ROCK2: variants seen among roughly 807,000 people sequenced by gnomAD.
ROCK2 encodes Rho associated coiled-coil containing protein kinase 2.
A neutral mutation model predicts 195.1 loss-of-function variants in ROCK2; 61 were observed. The ratio of observed to expected loss-of-function variants is 0.31; its 90% CI spans 0.25 to 0.39. The LOEUF is 0.39. Ranked by LOEUF, ROCK2 falls within the 10% of genes least tolerant of loss-of-function variation. ROCK2 has a pLI of 1.00. For missense variants in ROCK2, 1,109 were observed against 1,637.4 expected (o/e 0.68, Z 5.57); for synonymous variants, 504 against 545.5 (o/e 0.92, Z 1.06).
chr2:11,194,917 A>C (rs778575790), intron 28 of ROCK2, 38 bp downstream of exon 28: 1 of 1,266,314 alleles, frequency 7.9e-7, no homozygotes, highest in South Asian at 1.4e-5. Flanking sequence ...TAAAACAAAA[A>C]CAAAAACAAA....
chr2:11,324,053 G>C (rs997831811), intron 1 of ROCK2, among the ~76,000 whole-genome samples: 1 of 151,626 alleles, frequency 6.6e-6, no homozygotes, highest in African/African-American at 2.4e-5. Flanking sequence ...CCTTACTCTT[G>C]CCTTTGTCCA....
chr2:11,276,094 C>T (rs1278876142), intron 3 of ROCK2, among the ~76,000 whole-genome samples: 1 of 152,212 alleles, frequency 6.6e-6, no homozygotes, highest in Admixed American at 6.5e-5. Flanking sequence ...ATGTGAAACA[C>T]CCACGTGAAT....
At chr2:11,208,216 C>T in intron 19 of ROCK2, 71 bp downstream of exon 19, 1 of 978,708 alleles carries the variant, frequency 1.0e-6, no homozygotes, top group Non-Finnish European at 1.3e-6. Flanking sequence ...ATGAAACCAT[C>T]ACTAGACCTT....
intron 32 of ROCK2, among the ~76,000 whole-genome samples, chr2:11,189,142 T>C (rs892836349): frequency 6.6e-6 from 1 of 152,022 alleles, no homozygotes; most frequent in Non-Finnish European, 1.5e-5. Context: ...AAGTGAACAT[T>C]TATGGGTTCA....
At position 11,212,044 on chromosome 2, in the gene ROCK2, C is replaced by G. The variant is rs1664267246; in HGVS notation, c.2044-204G>C. On this transcript the variant is annotated intron_variant, in intron 17 of 32. Coordinates refer to ENST00000315872, the MANE Select transcript of ROCK2 (RefSeq NM_004850.5). ...ACCTTGGCCTCCAAAGTAGCTGGGACTATAGAAGTTTGTCACCACTCCTGG... is the reference window on the plus strand; with the variant it reads ...ACCTTGGCCTCCAAAGTAGCTGGGAGTATAGAAGTTTGTCACCACTCCTGG... Among the ~76,000 whole-genome samples, 5 of 151,836 alleles carry G rather than the reference C, an allele frequency of 3.3e-5. No individual in the cohort carries two copies. In the South Asian group the frequency reaches 1.0e-3, roughly 32 times the overall value.
intron 1 of ROCK2, among the ~76,000 whole-genome samples, chr2:11,324,674 A>C (rs2148253609): frequency 6.6e-6 from 1 of 152,342 alleles, no homozygotes; most frequent in African/African-American, 2.4e-5. Context: ...AAAAGAAGCC[A>C]ATCTTGAAAG....
chr2:11,337,488 T>C (rs745771802), intron 1 of ROCK2, among the ~76,000 whole-genome samples: 7 of 152,158 alleles, frequency 4.6e-5, no homozygotes, highest in Non-Finnish European at 1.0e-4. Context: ...AAGTACATCA[T>C]TCATCATGAG....
At chr2:11,236,967 A>G (rs1035303783) in intron 4 of ROCK2, among the ~76,000 whole-genome samples, 1 of 152,166 alleles carries the variant, frequency 6.6e-6, no homozygotes, top group Non-Finnish European at 1.5e-5. Context: ...CCTGGCCAAC[A>G]TGGTGAAACC....
intron 20 of ROCK2, among the ~76,000 whole-genome samples, chr2:11,205,927 G>A (rs1399804675): frequency 1.3e-5 from 2 of 151,994 alleles, no homozygotes; most frequent in Non-Finnish European, 2.9e-5. Flanking sequence ...TGGCCAACAT[G>A]GTGAAACCCT....
intron 10 of ROCK2, 30 bp downstream of exon 10, chr2:11,218,936 A>G (rs371606554): frequency 2.4e-6 from 3 of 1,263,064 alleles, no homozygotes; most frequent in South Asian, 1.5e-5. Context: ...TGAAACTAAA[A>G]TAACTACAGC....
chr2:11,205,490 C>A (rs1664016765), intron 20 of ROCK2, among the ~76,000 whole-genome samples: 1 of 151,798 alleles, frequency 6.6e-6, no homozygotes, highest in Non-Finnish European at 1.5e-5. Flanking sequence ...TTTTTAATTC[C>A]TTTACTAGAG....
chr2:11,222,272 ATT>A, intron 7 of ROCK2, 98 bp from the exon 8 acceptor site: 1 of 653,012 alleles, frequency 1.5e-6, no homozygotes, highest in Non-Finnish European at 2.6e-6. Context: ...TCTCAAGTAA[ATT>A]TGAGATATTT....
chr2:11,343,332 A>G (rs1381262614), intron 1 of ROCK2, among the ~76,000 whole-genome samples: 1 of 152,242 alleles, frequency 6.6e-6, no homozygotes, highest in African/African-American at 2.4e-5. Context: ...CTGGATTTCA[A>G]AGGTCGTTAT....
intron 8 of ROCK2, among the ~76,000 whole-genome samples, chr2:11,221,634 T>C (rs936144200): frequency 1.3e-5 from 2 of 152,192 alleles, no homozygotes; most frequent in African/African-American, 4.8e-5. Context: ...CTCCATTTTC[T>C]ACAATCTCGA....
At chr2:11,225,123 G>C (rs781244612) in intron 6 of ROCK2, among the ~76,000 whole-genome samples, 44 of 152,246 alleles carry the variant, frequency 2.9e-4, no homozygotes, top group Middle Eastern at 3.4e-3. Flanking sequence ...AGCTTAAAAT[G>C]ACATATAGCT....
intron 3 of ROCK2, among the ~76,000 whole-genome samples, chr2:11,283,417 C>T (rs1338794778): frequency 1.8e-4 from 27 of 149,816 alleles, no homozygotes; most frequent in South Asian, 6.4e-4. Flanking sequence ...AAAAATTAGC[C>T]GGGCGCGGTG....
chr2:11,214,979 A>G lies in ROCK2; in HGVS notation c.1797T>C (p.Asn599=), dbSNP rs2148065540. ...SKQIQQLESN[N]RDLQDKNCLL... ...GGCAGTTTTTATCTTGTAGATCTCT[A>G]TTGTTAGATTCCAGCTGCTGAATCT... Residue 599 remains asparagine (N), a synonymous_variant, in exon 16 of 33, where the codon AAT becomes AAC. Coordinates refer to ENST00000315872, the MANE Select transcript of ROCK2 (RefSeq NM_004850.5). 1 of 1,613,320 alleles carries G rather than the reference A, an allele frequency of 6.2e-7. No individual in the cohort carries two copies. The highest frequency in any genetic ancestry group is 2.2e-5 in the East Asian group (1 of 44,814).
At chr2:11,335,596 C>T (rs186498712) in intron 1 of ROCK2, among the ~76,000 whole-genome samples, 20 of 152,286 alleles carry the variant, frequency 1.3e-4, no homozygotes, top group African/African-American at 3.8e-4. Flanking sequence ...GAGACCTAAC[C>T]TATAATCATT....
At chr2:11,322,273 C>T (rs572007510) in intron 1 of ROCK2, among the ~76,000 whole-genome samples, 8 of 152,100 alleles carry the variant, frequency 5.3e-5, no homozygotes, top group African/African-American at 1.9e-4. Flanking sequence ...TCATGTTGTA[C>T]ACCATAAATA....
Sources: allele counts gnomAD v4.1 joint callset (sites outside exome capture counted in the v4.1 genomes callset), GRCh38; gene constraint gnomAD v4.1.1; transcripts MANE v1.5; gene names NCBI Gene and HGNC (gene_info 2026-07-23, HGNC 2026-07-21).